Variants in NELFA observed in about 807,000 individuals in gnomAD.
NELFA encodes negative elongation factor A.
In NELFA, 35 loss-of-function variants were observed where a neutral mutation model predicts 51.8. That is an observed-to-expected ratio of 0.68 (90% CI 0.52 to 0.90). NELFA has a LOEUF of 0.90. Among genes scored for constraint, NELFA ranks in the 40% least tolerant of loss-of-function variants. The pLI is 0.00. For missense variants in NELFA, 658 were observed against 746.4 expected (o/e 0.88, Z 1.38); for synonymous variants, 417 against 338.4 (o/e 1.23, Z -2.55).
intron 2 of NELFA, chr4:1,990,552 T>C (rs1728241485): frequency 2.2e-6 from 1 of 455,902 alleles, no homozygotes; most frequent in Non-Finnish European, 4.4e-6. Context: ...ATCTGTGTGG[T>C]GTGTGTGACC....
intron 1 of NELFA, among the ~76,000 whole-genome samples, chr4:2,003,141 T>C (rs1158404348): frequency 3.3e-5 from 5 of 152,196 alleles, no homozygotes; most frequent in Non-Finnish European, 7.3e-5. Flanking sequence ...TCTACGTCAC[T>C]GATCATCAGA....
intron 1 of NELFA, among the ~76,000 whole-genome samples, chr4:1,998,449 G>T (rs1160787682): frequency 6.6e-6 from 1 of 152,102 alleles, no homozygotes; most frequent in Non-Finnish European, 1.5e-5. Flanking sequence ...GTTTAGAGAG[G>T]AACATAAATG....
intron 1 of NELFA, chr4:2,007,831 A>G (rs767749270): frequency 5.3e-6 from 2 of 374,672 alleles, no homozygotes; most frequent in African/African-American, 4.3e-5. Flanking sequence ...ATTACAACCT[A>G]TAATAGCTAA....
chr4:2,002,410 T>C (rs570238534), intron 1 of NELFA, among the ~76,000 whole-genome samples: 1 of 152,066 alleles, frequency 6.6e-6, no homozygotes, highest in East Asian at 1.9e-4. Flanking sequence ...TCAAAGAAGA[T>C]CCCATATAGC....
intron 1 of NELFA, among the ~76,000 whole-genome samples, chr4:2,003,659 A>C (rs753491255): frequency 1.3e-5 from 2 of 152,184 alleles, no homozygotes; most frequent in African/African-American, 4.8e-5. Context: ...GTTCTCACTC[A>C]TAAGTGGCAG....
rs1234148498 is a variant in NELFA, at chr4:1,984,808, C to G, written c.1036G>C (p.Ala346Pro). The G allele has an allele frequency of 6.4e-7, 1 of 1,557,824 alleles. No individual in the cohort carries two copies. The highest frequency in any genetic ancestry group is 1.2e-5 in the South Asian group (1 of 84,244). The change falls in exon 8 of 11, where the codon GCC becomes CCC. Residue 346 changes from alanine to proline, a missense_variant and splice_region_variant. Physicochemically the swap from Ala to Pro is conservative, Grantham distance 27 (BLOSUM62 -1). Transcript: ENST00000382882. The stretch of plus-strand genomic sequence containing the variant: ...TCCAGGCTGGGGCCAGCAGACTCAC[C>G]TGGGGGCGTCTCGGAGCTGGGGATG... Reference protein sequence around the residue: ...SYIPSSETPPAPSSREASRPP... With the variant: ...SYIPSSETPPPPSSREASRPP...
chr4:1,995,096 G>A (rs1214814239), intron 1 of NELFA, among the ~76,000 whole-genome samples: 1 of 152,234 alleles, frequency 6.6e-6, no homozygotes, highest in African/African-American at 2.4e-5. Flanking sequence ...CCTCCCTACT[G>A]CTGAGTGGGT....
chr4:2,002,081 T>C (rs1018098310), intron 1 of NELFA, among the ~76,000 whole-genome samples: 2 of 151,236 alleles, frequency 1.3e-5, no homozygotes, highest in African/African-American at 4.9e-5. Context: ...GCGCCTGTAG[T>C]CCCAGCTACT....
chr4:1,996,528 C>T (rs1306007850), intron 1 of NELFA, among the ~76,000 whole-genome samples: 1 of 152,170 alleles, frequency 6.6e-6, no homozygotes, highest in East Asian at 1.9e-4. Flanking sequence ...TTCAACAAAG[C>T]CAGAAGCTGG....
At chr4:1,991,842 C>T in intron 1 of NELFA, 127 bp from the exon 2 acceptor site, 1 of 942,358 alleles carries the variant, frequency 1.1e-6, no homozygotes, top group Non-Finnish European at 1.5e-6. Context: ...ACACTTCCTC[C>T]TGAGGGCTCC....
chr4:1,983,835 A>C lies in NELFA; in HGVS notation c.1302+13T>G, dbSNP rs753408448. Reference sequence around the variant, plus strand: ...TACCTGGTGGCCTGTGGGCCCTACCAGTGTACACCTACCGTGAGGGACAGG... The same window carrying C: ...TACCTGGTGGCCTGTGGGCCCTACCCGTGTACACCTACCGTGAGGGACAGG... On this transcript the variant is annotated intron_variant, in intron 9 of 10. Transcript: ENST00000382882. 1 of 1,569,672 alleles carries C rather than the reference A, an allele frequency of 6.4e-7. No individual in the cohort carries two copies. Among genetic ancestry groups the C allele is most frequent in the Non-Finnish European group, 8.6e-7 (1 of 1,156,852 alleles).
chr4:2,003,317 T>C (rs1475784985), intron 1 of NELFA, among the ~76,000 whole-genome samples: 2 of 152,214 alleles, frequency 1.3e-5, no homozygotes, highest in Non-Finnish European at 2.9e-5. Flanking sequence ...GAAGACAGCA[T>C]GGCGATTCCT....
intron 8 of NELFA, 113 bp downstream of exon 8, chr4:1,984,695 A>AG: frequency 1.4e-6 from 1 of 714,232 alleles, no homozygotes; most frequent in South Asian, 1.8e-5. Flanking sequence ...CTGAGGCAGA[A>AG]GGGGGACAAC....
chr4:1,986,332 TGTGGGGCTGAAGACGCTGGGCGCC>T lies in NELFA; in HGVS notation c.681_704del (p.Ala228_Thr235del). ...AAGGCGGGATGGGGGTCCGGTTCCC[TGTGGGGCTGAAGACGCTGGGCGCC>T]GTGGGGCTTCTGAAGGGCGCCTGCT... On this transcript the variant is annotated inframe_deletion, in exon 5 of 11. Coordinates refer to ENST00000382882, the MANE Select transcript of NELFA (RefSeq NM_005663.5). The T allele has an allele frequency of 6.2e-7, 1 of 1,601,136 alleles. No homozygotes were observed. Among genetic ancestry groups the T allele is most frequent in the Non-Finnish European group, 8.5e-7 (1 of 1,174,214 alleles).
At position 1,984,854 on chromosome 4, in the gene NELFA, G is replaced by A. The variant is rs752642752; in HGVS notation, c.990C>T (p.Ser330=). ...PSTSYLPSTP[S]VVPASSYIPS... ...GGATGTAGGAGGAGGCGGGAACCAC[G>A]CTGGGCGTGGAGGGAAGGTAGCTCG... Residue 330 remains serine, a synonymous_variant, in exon 8 of 11, where the codon AGC becomes AGT. Transcript: ENST00000382882. 6.3e-7 allele frequency: 1 copy of A among 1,577,828 alleles called. No homozygotes were observed.
At chr4:1,985,366 G>A (rs1420740410) in intron 7 of NELFA, among the ~76,000 whole-genome samples, 3 of 152,308 alleles carry the variant, frequency 2.0e-5, no homozygotes, top group South Asian at 4.1e-4. Flanking sequence ...GCCGCGCCCC[G>A]TGGCTGCCTC....
intron 1 of NELFA, among the ~76,000 whole-genome samples, chr4:1,999,474 A>T (rs1728516982): frequency 6.6e-6 from 1 of 152,100 alleles, no homozygotes; most frequent in Non-Finnish European, 1.5e-5. Context: ...GAAAGCAAAC[A>T]AAAAGACAGG....
In NELFA at chr4:2,008,870, C is replaced by T. The variant is rs754190908; in HGVS notation, c.90G>A (p.Ala30=). Residue 30 remains alanine (A), a synonymous_variant, in exon 1 of 11, where the codon GCG becomes GCA. Coordinates refer to ENST00000382882, the MANE Select transcript of NELFA (RefSeq NM_005663.5). ...CGATGACCGCGGCCGTGAGCAGGGA[C>T]GCGATGCTGGGCGGCGCCCACAGCT... is the stretch of plus-strand genomic sequence containing the variant. ...TDELWAPPSI[A]SLLTAAVIDN... 1 of 1,601,124 alleles carries T rather than the reference C, an allele frequency of 6.2e-7. No individual in the cohort carries two copies. Among genetic ancestry groups the T allele is most frequent in the East Asian group, 2.3e-5 (1 of 44,326 alleles).
intron 6 of NELFA, 121 bp downstream of exon 6, chr4:1,985,993 C>A: frequency 7.4e-7 from 1 of 1,354,002 alleles, no homozygotes; most frequent in Non-Finnish European, 1.0e-6. Context: ...CAGGCACCCA[C>A]CCACGGAGAG....
Sources: gnomAD v4.1 joint callset for allele counts (sites outside exome capture counted in the v4.1 genomes callset) on GRCh38, gnomAD v4.1.1 for gene constraint, MANE v1.5 for transcripts, NCBI Gene and HGNC (gene_info 2026-07-23, HGNC 2026-07-21) for gene names.